Variants in PCDHA3 observed in about 807,000 individuals in gnomAD.
PCDHA3 encodes the protein protocadherin alpha-3.
Under a neutral mutation model 62.2 loss-of-function variants are expected in PCDHA3, and 41 were observed. The observed-to-expected ratio is 0.66, with a 90% CI of 0.51 to 0.86. PCDHA3 has a LOEUF of 0.86. Among genes scored for constraint, PCDHA3 ranks in the 40% least tolerant of loss-of-function variants. The pLI, the probability that PCDHA3 is intolerant of heterozygous loss-of-function variation, is 0.00. For missense variants in PCDHA3, 1,304 were observed against 1,241.2 expected, an observed-to-expected ratio of 1.05 and a Z score of -0.76; for synonymous variants, 640 against 555.4, an observed-to-expected ratio of 1.15 and a Z score of -2.14.
chr5:140,869,798 T>A (rs782748267), intron 1 of PCDHA3: 2 of 1,612,730 alleles, frequency 1.2e-6, no homozygotes. Flanking sequence ...TTAGTCCAAG[T>A]CTTGGATGTC....
chr5:140,842,833 G>C (rs2150345811), intron 1 of PCDHA3: 1 of 1,593,874 alleles, frequency 6.3e-7, no homozygotes, highest in Non-Finnish European at 8.6e-7. Context: ...AGCGCTCGCT[G>C]TCGAGCTACA....
chr5:140,980,824 A>G (rs2096907010), intron 2 of PCDHA3, among the ~76,000 whole-genome samples: 1 of 152,192 alleles, frequency 6.6e-6, no homozygotes, highest in Non-Finnish European at 1.5e-5. Flanking sequence ...ATATTAAATG[A>G]GTTGTGAACC....
intron 1 of PCDHA3, chr5:140,817,082 C>T (rs1396398614): frequency 6.6e-6 from 1 of 152,236 alleles, no homozygotes; most frequent in Non-Finnish European, 1.5e-5. Context: ...TGAGGAGCAT[C>T]AGCCCGCCAC....
chr5:140,836,564 C>T (rs1774574091), intron 1 of PCDHA3: 5 of 1,613,738 alleles, frequency 3.1e-6, no homozygotes, highest in Non-Finnish European at 4.2e-6. Context: ...CAGCGCCGTC[C>T]TCTGAGGGCG....
At chr5:140,876,668 C>T (rs2056489032) in intron 1 of PCDHA3, 1 of 1,614,198 alleles carries the variant, frequency 6.2e-7, no homozygotes, top group Non-Finnish European at 8.5e-7. Flanking sequence ...AAGCTGGTGT[C>T]CACCTACAAG....
intron 1 of PCDHA3, chr5:140,847,751 C>T (rs1781170062): frequency 1.3e-5 from 2 of 149,804 alleles, no homozygotes; most frequent in Non-Finnish European, 3.0e-5. Context: ...CCCCACGCAA[C>T]ACAAGACCTT....
At chr5:140,807,851 T>C in intron 1 of PCDHA3, 1 of 1,614,070 alleles carries the variant, frequency 6.2e-7, no homozygotes, top group Non-Finnish European at 8.5e-7. Context: ...CAAACCCGAG[T>C]TGACTGGCAC....
chr5:140,871,278 G>T (rs782014542), intron 1 of PCDHA3: 3 of 1,613,918 alleles, frequency 1.9e-6, no homozygotes, highest in East Asian at 4.5e-5. Flanking sequence ...GGTCGGCAAC[G>T]CCCACTGAGG....
chr5:140,802,817 G>A lies in PCDHA3; in HGVS notation c.1620G>A (p.Ala540=). 1.9e-6 allele frequency: 3 copies of A among 1,613,536 alleles called. No homozygotes were observed. Among genetic ancestry groups the A allele is most frequent in the South Asian group, 1.1e-5 (1 of 91,070 alleles). Residue 540 remains alanine (A), a synonymous_variant, in exon 1 of 4, where the codon GCG becomes GCA. Transcript: ENST00000522353. ...AGTTCCAGGTGAGTGCGCGCGATGC[G>A]GGCGTGCCGCCTCTGGGCAGCAACG... is the stretch of plus-strand genomic sequence containing the variant. ...LLQFQVSARD[A]GVPPLGSNVT... is the part of the protein sequence containing the mutation.
At chr5:140,969,963 AT>A (rs2096372822) in intron 1 of PCDHA3, among the ~76,000 whole-genome samples, 1 of 152,204 alleles carries the variant, frequency 6.6e-6, no homozygotes. Context: ...CTTTGGCTGT[AT>A]GATGTGGCAA....
chr5:140,979,060 C>T, intron 2 of PCDHA3, 53 bp downstream of exon 2: 1 of 1,606,180 alleles, frequency 6.2e-7, no homozygotes, highest in Non-Finnish European at 8.5e-7. Context: ...TGGTATGGCT[C>T]AGATAAACTG....
intron 1 of PCDHA3, among the ~76,000 whole-genome samples, chr5:140,855,303 A>C (rs1045706471): frequency 6.7e-6 from 1 of 149,854 alleles, no homozygotes; most frequent in Admixed American, 6.7e-5. Context: ...CAAAGTTATA[A>C]AATTGGAACA....
Position 140,982,372 on chromosome 5 carries a change from C to G in PCDHA3, c.2454-103C>G, listed in dbSNP as rs1479669249. 1.9e-6 allele frequency: 3 copies of G among 1,554,840 alleles called. No homozygotes were observed. In the East Asian group the frequency reaches 7.0e-5, roughly 36 times the overall value. ...TTCAAGCATGAGCAGAATGTGTTAG[C>G]TGCAGCCCTGGCTTCATAGTTGTAA... On this transcript the variant is annotated intron_variant, in intron 2 of 3. Coordinates refer to ENST00000522353, the MANE Select transcript of PCDHA3 (RefSeq NM_018906.3).
intron 1 of PCDHA3, chr5:140,823,093 G>A (rs2150122208): frequency 6.2e-7 from 1 of 1,614,058 alleles, no homozygotes; most frequent in South Asian, 1.1e-5. Flanking sequence ...CACCGCCAGC[G>A]TGTCTGTGGA....
rs781859537 is a variant in PCDHA3, at chr5:140,858,340, G to A, written c.2394+54749G>A. Reference sequence around the variant, plus strand: ...TGTGTTCTGGGGAGGGCCTGCCCAAGGCGGACCTCATGGCCTTCAGCCCCA... The same window carrying A: ...TGTGTTCTGGGGAGGGCCTGCCCAAAGCGGACCTCATGGCCTTCAGCCCCA... On this transcript the variant is annotated intron_variant, in intron 1 of 3. Coordinates refer to ENST00000522353, the MANE Select transcript of PCDHA3 (RefSeq NM_018906.3). The A allele has an allele frequency of 1.2e-5, 19 of 1,595,540 alleles. No individual in the cohort carries two copies. In the South Asian group the frequency reaches 1.3e-4, roughly 11 times the overall value.
chr5:140,991,642 A>T (rs2097463636), intron 3 of PCDHA3, among the ~76,000 whole-genome samples: 2 of 152,160 alleles, frequency 1.3e-5, no homozygotes, highest in South Asian at 4.1e-4. Flanking sequence ...CAATCTGTTC[A>T]TGACAATTTA....
intron 1 of PCDHA3, among the ~76,000 whole-genome samples, chr5:140,845,317 T>C (rs1779816111): frequency 6.7e-6 from 1 of 149,682 alleles, no homozygotes; most frequent in Non-Finnish European, 1.5e-5. Context: ...TCTCAGGTAT[T>C]ACTTTAATTA....
intron 1 of PCDHA3, among the ~76,000 whole-genome samples, chr5:140,938,387 A>G (rs2092042874): frequency 6.6e-6 from 1 of 152,220 alleles, no homozygotes. Flanking sequence ...AATATTTAAT[A>G]TGAAATACAT....
intron 1 of PCDHA3, chr5:140,859,885 A>G (rs2046070858): frequency 1.3e-5 from 2 of 151,844 alleles, no homozygotes; most frequent in South Asian, 4.2e-4. Context: ...TGATATTTTG[A>G]AAAAAAATCT....
Sources: gnomAD v4.1 joint callset for allele counts (sites outside exome capture counted in the v4.1 genomes callset) on GRCh38, gnomAD v4.1.1 for gene constraint, MANE v1.5 for transcripts, NCBI Gene and HGNC (gene_info 2026-07-23, HGNC 2026-07-21) for gene names.